The following RIPOR3 variants were observed in gnomAD, a reference collection of about 807,000 sequenced individuals.
RIPOR3 encodes family with sequence similarity 65 member C.
A neutral mutation model predicts 114.3 loss-of-function variants in RIPOR3; 95 were observed. That is an observed-to-expected ratio of 0.83 (90% CI 0.70 to 0.99). The LOEUF is 0.99. Ranked by LOEUF, RIPOR3 falls within the 50% of genes least tolerant of loss-of-function variation. The probability of loss-of-function intolerance (pLI) is 0.00; values close to 1 mark genes in which losing one functional copy is unlikely to be tolerated. For synonymous variants in RIPOR3, 575 were observed against 543.8 expected (o/e 1.06, Z -0.80); for missense variants, 1,252 against 1,266.9 (o/e 0.99, Z 0.18).
Position 50,589,678 on chromosome 20 carries a change from A to T in RIPOR3, c.2661+8T>A. ...TATCAGCCACTAATGGGGAAACGTC[A>T]GGCTCACCTTGAGGTGTTTGAGCGC... On this transcript the variant is annotated splice_region_variant and intron_variant, in intron 20 of 21. Transcript: ENST00000327979. 1 of 1,613,340 alleles carries T rather than the reference A, an allele frequency of 6.2e-7. No individual in the cohort carries two copies.
chr20:50,671,424 GCGCGCACACACACACACA>G (rs1167640517), intron 1 of RIPOR3, among the ~76,000 whole-genome samples: 34 of 91,242 alleles, frequency 3.7e-4, no homozygotes, highest in Non-Finnish European at 9.5e-4. Context: ...GTGCACGCGC[GCGCGCACACACACACACA>G]CACACACACA....
Position 50,586,606 on chromosome 20 carries a change from A to C in RIPOR3, c.*626T>G, listed in dbSNP as rs962901979. 4 of 153,548 alleles carry C rather than the reference A, an allele frequency of 2.6e-5. No individual in the cohort carries two copies. The highest frequency in any genetic ancestry group is 5.8e-5 in the Non-Finnish European group (4 of 68,986). 9.5% of individuals were successfully genotyped at this position (153,548 alleles called of 1,614,324 possible). A position where few individuals can be genotyped will look rare whatever the true frequency, so the allele number is the denominator to read the frequency against. On this transcript the variant is annotated 3_prime_UTR_variant, in exon 22 of 22. Coordinates refer to ENST00000327979, the MANE Select transcript of RIPOR3 (RefSeq NM_001290268.2). ...GGGAAAGTGAGGTTCACAGTCCACC[A>C]TCCACCAGCCGCCGTCTGTGAGCTC...
chr20:50,677,348 T>C (rs556577939), intron 1 of RIPOR3, among the ~76,000 whole-genome samples: 25 of 150,524 alleles, frequency 1.7e-4, no homozygotes, highest in African/African-American at 6.1e-4. Flanking sequence ...ACCATTATTA[T>C]TATTATTTTC....
intron 1 of RIPOR3, among the ~76,000 whole-genome samples, chr20:50,676,768 ACTTTTTTTT>A (rs1255907252): frequency 3.0e-4 from 42 of 139,886 alleles, no homozygotes; most frequent in Non-Finnish European, 5.4e-4. Context: ...TCCAGATTCT[ACTTTTTTTT>A]TTTTTTTTTT....
intron 11 of RIPOR3, 101 bp downstream of exon 11, chr20:50,608,288 C>A (rs2123047372): frequency 3.2e-6 from 5 of 1,547,810 alleles, no homozygotes; most frequent in Non-Finnish European, 3.5e-6. Flanking sequence ...GCAGGGACAC[C>A]CTTGGCAGAG....
At chr20:50,603,828 C>T (rs1166816784) in intron 12 of RIPOR3, among the ~76,000 whole-genome samples, 1 of 152,214 alleles carries the variant, frequency 6.6e-6, no homozygotes, top group Non-Finnish European at 1.5e-5. Context: ...ACTCAGTTAA[C>T]TCTCACAGTA....
intron 11 of RIPOR3, among the ~76,000 whole-genome samples, chr20:50,606,475 C>T (rs116918945): frequency 0.01 from 1,577 of 152,320 alleles, 18 homozygotes; most frequent in Non-Finnish European, 0.015. Context: ...TCCCTACAGC[C>T]CTCCTGCCTC....
At chr20:50,678,222 A>G (rs1370245971) in intron 1 of RIPOR3, among the ~76,000 whole-genome samples, 2 of 152,228 alleles carry the variant, frequency 1.3e-5, no homozygotes, top group Admixed American at 6.5e-5. Context: ...AAAAATGGGC[A>G]GAGCCCACAA....
At chr20:50,650,523 CA>C (rs2085562638) in intron 1 of RIPOR3, among the ~76,000 whole-genome samples, 1 of 152,156 alleles carries the variant, frequency 6.6e-6, no homozygotes, top group Admixed American at 6.6e-5. Context: ...AGATTGGTCT[CA>C]AACTCCTGAG....
chr20:50,604,570 G>C, intron 12 of RIPOR3, 75 bp downstream of exon 12: 1 of 1,496,686 alleles, frequency 6.7e-7, no homozygotes, highest in Non-Finnish European at 8.9e-7. Context: ...GGGCCAGACT[G>C]CTCAGCCCAG....
In RIPOR3 at chr20:50,609,292, C is replaced by T. The variant is rs770845296; in HGVS notation, c.640+1G>A. 1 of 1,613,902 alleles carries T rather than the reference C, an allele frequency of 6.2e-7. No homozygotes were observed. Among genetic ancestry groups the T allele is most frequent in the Non-Finnish European group, 8.5e-7 (1 of 1,179,822 alleles). On this transcript the variant is annotated splice_donor_variant, in intron 8 of 21. Transcript: ENST00000327979. LOFTEE classifies it high-confidence loss of function. ...CGCCCACCCCCTCTCAGCCCTGTTACCTTTCATCCTGATGTGGAACTCGCC... is the reference window on the plus strand; with the variant it reads ...CGCCCACCCCCTCTCAGCCCTGTTATCTTTCATCCTGATGTGGAACTCGCC...
chr20:50,686,351 C>T (rs930534998), intron 1 of RIPOR3, among the ~76,000 whole-genome samples: 3 of 152,048 alleles, frequency 2.0e-5, no homozygotes, highest in Admixed American at 6.6e-5. Context: ...CCACTGCGCC[C>T]GGCCAAGACA....
Position 50,594,605 on chromosome 20 carries a change from C to A in RIPOR3, c.2160G>T (p.Lys720Asn). 6.2e-7 allele frequency: 1 copy of A among 1,614,096 alleles called. No individual in the cohort carries two copies. Residue 720 changes from lysine (K) to asparagine (N), a missense_variant, in exon 17 of 22, where the codon AAG becomes AAT. By Grantham distance (94) the Lys-to-Asn change is moderately conservative (BLOSUM62 0). Coordinates refer to ENST00000327979, the MANE Select transcript of RIPOR3 (RefSeq NM_001290268.2). ...CPATTLLNQL[K>N]KTFQHRVRGK... ...CTCTGACTCTGTGCTGGAAGGTTTT[C>A]TTGAGCTGGTTCAGCAGCGTCGTGG...
At chr20:50,590,180 G>A (rs2083064779) in intron 19 of RIPOR3, among the ~76,000 whole-genome samples, 1 of 152,196 alleles carries the variant, frequency 6.6e-6, no homozygotes, top group Non-Finnish European at 1.5e-5. Context: ...AGGGAAACCT[G>A]CCTATTCCCC....
At position 50,589,675 on chromosome 20, in the gene RIPOR3, G is replaced by A. The variant is rs372296012; in HGVS notation, c.2661+11C>T. 24 of 1,612,854 alleles carry A rather than the reference G, an allele frequency of 1.5e-5. 1 individual carries two copies. The Admixed American group carries it at 2.5e-4, about 17-fold the overall frequency. On this transcript the variant is annotated intron_variant, in intron 20 of 21. Transcript: ENST00000327979. Reference sequence around the variant, plus strand: ...TTCTATCAGCCACTAATGGGGAAACGTCAGGCTCACCTTGAGGTGTTTGAG... The same window carrying A: ...TTCTATCAGCCACTAATGGGGAAACATCAGGCTCACCTTGAGGTGTTTGAG...
At chr20:50,592,834 TC>T (rs1405801204) in intron 18 of RIPOR3, among the ~76,000 whole-genome samples, 200 bp downstream of exon 18, 1 of 152,152 alleles carries the variant, frequency 6.6e-6, no homozygotes, top group Non-Finnish European at 1.5e-5. Flanking sequence ...TGACCTCTGT[TC>T]CGTGCTTTTT....
Position 50,630,842 on chromosome 20 carries a change from C to A in RIPOR3, c.18G>T (p.Ser6=). MVTTM[S]VRLRFLSPGD... Reference sequence around the variant, plus strand: ...CAGGGGACAGGAACCGCAACCTCACCGACATGGTGGTCACCTGCAAGGAGA... The same window carrying A: ...CAGGGGACAGGAACCGCAACCTCACAGACATGGTGGTCACCTGCAAGGAGA... Residue 6 remains serine, a synonymous_variant, in exon 2 of 22, where the codon TCG becomes TCT. Transcript: ENST00000327979. 1 of 1,603,582 alleles carries A rather than the reference C, an allele frequency of 6.2e-7. No individual in the cohort carries two copies. Among genetic ancestry groups the A allele is most frequent in the East Asian group, 2.3e-5 (1 of 44,222 alleles).
chr20:50,613,656 G>A (rs1270765771), intron 4 of RIPOR3, among the ~76,000 whole-genome samples: 3 of 152,140 alleles, frequency 2.0e-5, no homozygotes, highest in Non-Finnish European at 2.9e-5. Flanking sequence ...GCCTCAGTGT[G>A]CCCATCTATG....
chr20:50,644,850 T>TTA (rs1253629585), intron 1 of RIPOR3, among the ~76,000 whole-genome samples: 19 of 150,448 alleles, frequency 1.3e-4, no homozygotes, highest in African/African-American at 4.4e-4. Context: ...TTTTATTTTT[T>TTA]TTTTTTGAGA....
Sources: allele counts gnomAD v4.1 joint callset (sites outside exome capture counted in the v4.1 genomes callset), GRCh38; gene constraint gnomAD v4.1.1; transcripts MANE v1.5; gene names NCBI Gene and HGNC (gene_info 2026-07-23, HGNC 2026-07-21).